Variants in CHD7 observed in about 807,000 individuals in gnomAD.
The protein encoded by CHD7 is chromodomain helicase DNA binding protein 7, also known as ATP-dependent chromatin remodeler CHD7.
Under a neutral mutation model 307.3 loss-of-function variants are expected in CHD7, and 24 were observed. The ratio of observed to expected loss-of-function variants is 0.08; its 90% CI spans 0.06 to 0.11. The LOEUF (loss-of-function observed/expected upper bound fraction) is 0.11, where lower values mean the gene tolerates loss of function less well. Among genes scored for constraint, CHD7 ranks in the 10% least tolerant of loss-of-function variants. The pLI, the probability that CHD7 is intolerant of heterozygous loss-of-function variation, is 1.00. For missense variants in CHD7, 3,106 were observed against 3,727.1 expected (o/e 0.83, Z 4.34); for synonymous variants, 1,363 against 1,349.9 (o/e 1.01, Z -0.21).
At chr8:60,731,657 T>C (rs758167791) in intron 1 of CHD7, among the ~76,000 whole-genome samples, 4 of 152,254 alleles carry the variant, frequency 2.6e-5, no homozygotes, top group Non-Finnish European at 4.4e-5. Context: ...TTGTCAAATA[T>C]AACTTGATTT....
At chr8:60,857,979 G>C (rs1328006000) in intron 34 of CHD7, among the ~76,000 whole-genome samples, 1 of 152,210 alleles carries the variant, frequency 6.6e-6, no homozygotes, top group Non-Finnish European at 1.5e-5. Flanking sequence ...AATTGGGCCG[G>C]GCATGGTGGC....
At chr8:60,776,153 CAATT>C (rs1274740429) in intron 2 of CHD7, among the ~76,000 whole-genome samples, 21 of 152,120 alleles carry the variant, frequency 1.4e-4, no homozygotes, top group African/African-American at 4.8e-4. Context: ...TTTGCCTTCT[CAATT>C]AATTCATATA....
chr8:60,839,706 T>G (rs988244784), intron 19 of CHD7, among the ~76,000 whole-genome samples: 2 of 152,236 alleles, frequency 1.3e-5, no homozygotes, highest in African/African-American at 4.8e-5. Context: ...TTGAGCATCT[T>G]TTCATGTGCT....
rs1377795325 is a variant in CHD7 at position 60,800,464 on chromosome 8, C to T, written c.2315C>T (p.Ala772Val). ...DLEFKISDEE[A>V]DDADAAGRDS... ...GAGTTCAAGATTTCTGATGAGGAGG[C>T]AGATGATGCAGATGCTGCTGGGAGG... Residue 772 changes from alanine to valine, a missense_variant, in exon 5 of 38, where the codon GCA becomes GTA. Around this residue, in one of 10 missense-constraint regions of CHD7, gnomAD observed 998 missense variants for 1,004.5 expected, o/e 0.99. Coordinates refer to ENST00000423902, the MANE Select transcript of CHD7 (RefSeq NM_017780.4). The T allele has an allele frequency of 1.2e-6, 2 of 1,613,696 alleles. No homozygotes were observed. Among genetic ancestry groups the T allele is most frequent in the African/African-American group, 1.3e-5 (1 of 74,926 alleles).
At chr8:60,702,911 G>C (rs138770758) in intron 1 of CHD7, among the ~76,000 whole-genome samples, 1 of 152,178 alleles carries the variant, frequency 6.6e-6, no homozygotes. Flanking sequence ...GCGAGAGAGC[G>C]CCACATATTC....
At chr8:60,735,773 T>G (rs541014391) in intron 1 of CHD7, among the ~76,000 whole-genome samples, 1 of 152,220 alleles carries the variant, frequency 6.6e-6, no homozygotes, top group Non-Finnish European at 1.5e-5. Context: ...TTAAACATGT[T>G]ACCTCTAAGA....
At chr8:60,796,628 T>C (rs74304476) in intron 4 of CHD7, among the ~76,000 whole-genome samples, 46 of 150,504 alleles carry the variant, frequency 3.1e-4, no homozygotes, top group Non-Finnish European at 3.0e-4. Flanking sequence ...TTTTTTTTTT[T>C]TTTCCTGCTG....
intron 3 of CHD7, among the ~76,000 whole-genome samples, chr8:60,791,809 T>C (rs973966689): frequency 6.6e-6 from 1 of 152,206 alleles, no homozygotes; most frequent in East Asian, 1.9e-4. Flanking sequence ...GTCTGTTTGC[T>C]TGCTTATTCT....
intron 1 of CHD7, among the ~76,000 whole-genome samples, chr8:60,739,146 G>C (rs949367879): frequency 6.6e-6 from 1 of 152,176 alleles, no homozygotes. Context: ...CTTTTACCTG[G>C]AGCTGGCCTG....
intron 6 of CHD7, among the ~76,000 whole-genome samples, chr8:60,802,784 A>G (rs1812371799): frequency 1.3e-5 from 2 of 152,380 alleles, no homozygotes; most frequent in South Asian, 4.1e-4. Flanking sequence ...AACCATTACT[A>G]TTCAAATACT....
At chr8:60,780,204 C>A (rs1811141745) in intron 2 of CHD7, among the ~76,000 whole-genome samples, 1 of 152,172 alleles carries the variant, frequency 6.6e-6, no homozygotes, top group Non-Finnish European at 1.5e-5. Context: ...GCTGACCACT[C>A]AGAATCCCAT....
Position 60,851,337 on chromosome 8 carries a change from C to G in CHD7, c.5665+18C>G. The G allele has an allele frequency of 1.9e-6, 3 of 1,550,286 alleles. No individual in the cohort carries two copies. Among genetic ancestry groups the G allele is most frequent in the Non-Finnish European group, 2.6e-6 (3 of 1,143,744 alleles). Reference sequence around the variant, plus strand: ...TGCCACAGGTAAGGTCCCAGAAAAGCTTGTGTAGCCGAGCAGACGTGCACT... The same window carrying G: ...TGCCACAGGTAAGGTCCCAGAAAAGGTTGTGTAGCCGAGCAGACGTGCACT... On this transcript the variant is annotated intron_variant, in intron 28 of 37. Coordinates refer to ENST00000423902, the MANE Select transcript of CHD7 (RefSeq NM_017780.4).
intron 2 of CHD7, among the ~76,000 whole-genome samples, chr8:60,779,475 T>C (rs1811102145): frequency 6.6e-6 from 1 of 152,210 alleles, no homozygotes; most frequent in African/African-American, 2.4e-5. Context: ...CATCACCTTC[T>C]TGGACTTTTC....
intron 29 of CHD7, 111 bp from the exon 30 acceptor site, chr8:60,852,387 C>A: frequency 7.7e-7 from 1 of 1,296,168 alleles, no homozygotes; most frequent in East Asian, 2.4e-5. Flanking sequence ...GTCTGTTTCC[C>A]CACCCCCAAA....
At position 60,805,234 on chromosome 8, in the gene CHD7, T is replaced by C. The variant is rs375776145; in HGVS notation, c.2443-2983T>C. On this transcript the variant is annotated intron_variant, in intron 6 of 37. Coordinates refer to ENST00000423902, the MANE Select transcript of CHD7 (RefSeq NM_017780.4). ...TGAGGGCTTATGAATTCACACACTTTTGTTCAATTGTTTTACTGTTCAGTA... is the reference window on the plus strand; with the variant it reads ...TGAGGGCTTATGAATTCACACACTTCTGTTCAATTGTTTTACTGTTCAGTA... Among the ~76,000 whole-genome samples, 12 of 152,304 alleles carry C rather than the reference T, an allele frequency of 7.9e-5. No individual in the cohort carries two copies. In the East Asian group the frequency reaches 2.3e-3, roughly 29 times the overall value.
At chr8:60,717,959 A>AC (rs200934282) in intron 1 of CHD7, among the ~76,000 whole-genome samples, 1 of 105,474 alleles carries the variant, frequency 9.5e-6, no homozygotes, top group African/African-American at 2.5e-5. Flanking sequence ...CCCTTCTACC[A>AC]TTTTTTTTTA....
rs1586379216 is a variant in CHD7 at position 60,816,416 on chromosome 8, T to C, written c.2528T>C (p.Ile843Thr). The change falls in exon 8 of 38, where the codon ATA (isoleucine) becomes ACA (threonine). Residue 843 changes from isoleucine (I) to threonine (T), a missense_variant. By Grantham distance (89) the Ile-to-Thr change is moderately conservative (BLOSUM62 -1). This residue lies in a region of CHD7 where 188 missense variants were observed against 261.7 expected (regional missense o/e 0.72). Coordinates refer to ENST00000423902, the MANE Select transcript of CHD7 (RefSeq NM_017780.4). Reference sequence around the variant, plus strand: ...TATCTTCATTGTCAGTGGGCATCTATAGAAGATCTGGAAAAAGATAAGAGA... The same window carrying C: ...TATCTTCATTGTCAGTGGGCATCTACAGAAGATCTGGAAAAAGATAAGAGA... Reference protein sequence around the residue: ...FSYLHCQWASIEDLEKDKRIQ... With the variant: ...FSYLHCQWASTEDLEKDKRIQ... The C allele has an allele frequency of 6.2e-7, 1 of 1,605,400 alleles. No homozygotes were observed. The highest frequency in any genetic ancestry group is 8.5e-7 in the Non-Finnish European group (1 of 1,174,102).
rs1374566726 is a variant in CHD7 at position 60,856,387 on chromosome 8, C to T, written c.7165-58C>T. 4 of 1,476,068 alleles carry T rather than the reference C, an allele frequency of 2.7e-6. No individual in the cohort carries two copies. The East Asian group carries it at 7.2e-5, about 26-fold the overall frequency. 91.4% of individuals were successfully genotyped at this position (1,476,068 alleles called of 1,614,324 possible). A position where few individuals can be genotyped will look rare whatever the true frequency, so the allele number is the denominator to read the frequency against. ...TGTTCCTTATTTCTAAAAGCCAGCCCATATAGCAGTACTGTTTTGGCTCAC... is the reference window on the plus strand; with the variant it reads ...TGTTCCTTATTTCTAAAAGCCAGCCTATATAGCAGTACTGTTTTGGCTCAC... On this transcript the variant is annotated intron_variant, in intron 33 of 37. Coordinates refer to ENST00000423902, the MANE Select transcript of CHD7 (RefSeq NM_017780.4).
intron 14 of CHD7, among the ~76,000 whole-genome samples, chr8:60,830,088 C>G (rs914473746): frequency 1.3e-5 from 2 of 152,184 alleles, no homozygotes; most frequent in South Asian, 4.1e-4. Context: ...TTCAAGCCTT[C>G]TGGCTGTTCA....
Sources: gnomAD v4.1 joint callset for allele counts (sites outside exome capture counted in the v4.1 genomes callset) on GRCh38, gnomAD v4.1.1 for gene constraint, gnomAD v4.1.1 regional missense constraint, MANE v1.5 for transcripts, NCBI Gene and HGNC (gene_info 2026-07-23, HGNC 2026-07-21) for gene names.